The following SLC24A3 variants were observed in gnomAD, a reference collection of about 807,000 sequenced individuals.
SLC24A3 encodes the protein sodium/potassium/calcium exchanger 3.
Under a neutral mutation model 75.8 loss-of-function variants are expected in SLC24A3, and 28 were observed. That is an observed-to-expected ratio of 0.37 (90% CI 0.27 to 0.51). The LOEUF is 0.51. Among genes scored for constraint, SLC24A3 ranks in the 20% least tolerant of loss-of-function variants. The pLI is 0.94. For synonymous variants in SLC24A3, 372 were observed against 334.1 expected, an observed-to-expected ratio of 1.11 and a Z score of -1.24; for missense variants, 663 against 847.8, an observed-to-expected ratio of 0.78 and a Z score of 2.71.
chr20:19,616,405 C>T (rs751524183), intron 6 of SLC24A3, among the ~76,000 whole-genome samples: 10 of 152,224 alleles, frequency 6.6e-5, no homozygotes, highest in Non-Finnish European at 1.2e-4. Flanking sequence ...CTTTACAGCC[C>T]TCTAGACAGA....
At chr20:19,293,997 C>G (rs6045968) in intron 2 of SLC24A3, among the ~76,000 whole-genome samples, 6,050 of 152,178 alleles carry the variant, frequency 0.04, 403 homozygotes, top group African/African-American at 0.14. Context: ...TTGCATATAA[C>G]CTATGCACAT....
rs59457822 is a variant in SLC24A3 at position 19,247,734 on chromosome 20, T to C, written c.143-33225T>C. 6.3e-3 allele frequency among the ~76,000 whole-genome samples: 955 copies of C among 152,374 alleles called. 10 individuals carry two copies. Among genetic ancestry groups the C allele is most frequent in the African/African-American group, 0.022 (911 of 41,582 alleles). ...AGAACATGCTGCATTGATAATATTT[T>C]TGATATATTGGGTTAATTAAAAGTT... On this transcript the variant is annotated intron_variant, in intron 1 of 16. Transcript: ENST00000328041.
At chr20:19,470,823 A>G (rs757628512) in intron 2 of SLC24A3, among the ~76,000 whole-genome samples, 1 of 152,206 alleles carries the variant, frequency 6.6e-6, no homozygotes, top group Non-Finnish European at 1.5e-5. Context: ...ACGTAGACCC[A>G]GACATTTAGG....
chr20:19,550,719 G>C (rs974121441), intron 3 of SLC24A3, among the ~76,000 whole-genome samples: 2 of 152,168 alleles, frequency 1.3e-5, no homozygotes, highest in African/African-American at 4.8e-5. Flanking sequence ...TAGAAAGGAA[G>C]CCTCTAAGTC....
At chr20:19,217,852 C>T (rs147686542) in intron 1 of SLC24A3, among the ~76,000 whole-genome samples, 1 of 152,346 alleles carries the variant, frequency 6.6e-6, no homozygotes, top group East Asian at 1.9e-4. Flanking sequence ...GTGAATTCCT[C>T]ACTACCTGGC....
chr20:19,532,081 C>G (rs1467718447), intron 3 of SLC24A3, among the ~76,000 whole-genome samples: 1 of 152,216 alleles, frequency 6.6e-6, no homozygotes, highest in Non-Finnish European at 1.5e-5. Flanking sequence ...GCCCTCTTCC[C>G]ATGGCAATGG....
At chr20:19,646,853 G>GTGTGTGTC (rs10623785) in intron 6 of SLC24A3, among the ~76,000 whole-genome samples, 20,767 of 150,872 alleles carry the variant, frequency 0.14, 1,504 homozygotes, top group Non-Finnish European at 0.15. Context: ...GTGTGTGTGC[G>GTGTGTGTC]TGTGTGTGTG....
chr20:19,251,904 G>A (rs1400065666), intron 1 of SLC24A3, among the ~76,000 whole-genome samples: 1 of 152,162 alleles, frequency 6.6e-6, no homozygotes, highest in Non-Finnish European at 1.5e-5. Flanking sequence ...GCTCTGTTGG[G>A]TAACTTTCTC....
At chr20:19,380,358 G>A (rs995781334) in intron 2 of SLC24A3, among the ~76,000 whole-genome samples, 1 of 152,146 alleles carries the variant, frequency 6.6e-6, no homozygotes, top group Non-Finnish European at 1.5e-5. Flanking sequence ...GCAGAGACCC[G>A]GCAATACTAG....
At chr20:19,409,981 A>G (rs1986715701) in intron 2 of SLC24A3, among the ~76,000 whole-genome samples, 1 of 152,094 alleles carries the variant, frequency 6.6e-6, no homozygotes. Context: ...TGCATCTTTC[A>G]AATTTTTAAT....
chr20:19,385,856 C>A (rs1016023773), intron 2 of SLC24A3, among the ~76,000 whole-genome samples: 1 of 152,100 alleles, frequency 6.6e-6, no homozygotes, highest in African/African-American at 2.4e-5. Flanking sequence ...AGGCTGGTCT[C>A]AAACTCCTGA....
chr20:19,687,880 A>G (rs1420187857), intron 12 of SLC24A3, among the ~76,000 whole-genome samples: 1 of 152,064 alleles, frequency 6.6e-6, no homozygotes, highest in Admixed American at 6.6e-5. Context: ...GAGGCCTCAG[A>G]CCTTCCAGCC....
At chr20:19,601,342 G>T (rs2031524489) in intron 6 of SLC24A3, among the ~76,000 whole-genome samples, 1 of 152,146 alleles carries the variant, frequency 6.6e-6, no homozygotes, top group African/African-American at 2.4e-5. Context: ...GAAATCTCCT[G>T]TTTCTTTGGT....
At chr20:19,474,374 T>C (rs1431457265) in intron 2 of SLC24A3, among the ~76,000 whole-genome samples, 1 of 152,204 alleles carries the variant, frequency 6.6e-6, no homozygotes, top group African/African-American at 2.4e-5. Context: ...TTTTAAAATC[T>C]GATAGCGAGC....
At chr20:19,473,280 A>G (rs1223010112) in intron 2 of SLC24A3, among the ~76,000 whole-genome samples, 4 of 152,228 alleles carry the variant, frequency 2.6e-5, no homozygotes, top group African/African-American at 9.6e-5. Context: ...ACTCTGTAAA[A>G]CAAGATAGAG....
intron 2 of SLC24A3, among the ~76,000 whole-genome samples, chr20:19,457,234 G>T (rs960268620): frequency 6.6e-6 from 1 of 152,186 alleles, no homozygotes; most frequent in Non-Finnish European, 1.5e-5. Context: ...GGTGAGGGGG[G>T]AAATGTGGAG....
intron 2 of SLC24A3, among the ~76,000 whole-genome samples, chr20:19,347,773 CTG>C: frequency 6.6e-6 from 1 of 152,276 alleles, no homozygotes; most frequent in African/African-American, 2.4e-5. Flanking sequence ...GCTGGTCACT[CTG>C]TGTTTGAGTC....
chr20:19,316,895 T>TA (rs1484116212), intron 2 of SLC24A3, among the ~76,000 whole-genome samples: 1 of 152,182 alleles, frequency 6.6e-6, no homozygotes, highest in Non-Finnish European at 1.5e-5. Context: ...GTGACATAGG[T>TA]AAATGTGTGC....
chr20:19,292,119 T>C (rs1054432090), intron 2 of SLC24A3, among the ~76,000 whole-genome samples: 3 of 152,188 alleles, frequency 2.0e-5, no homozygotes, highest in African/African-American at 7.2e-5. Context: ...CCGCGTAATC[T>C]CTCAAAGCCT....
Sources: gnomAD v4.1 joint callset for allele counts (sites outside exome capture counted in the v4.1 genomes callset) on GRCh38, gnomAD v4.1.1 for gene constraint, MANE v1.5 for transcripts, NCBI Gene and HGNC (gene_info 2026-07-23, HGNC 2026-07-21) for gene names.